The following NAV2 variants were observed in gnomAD, a reference collection of about 807,000 sequenced individuals.
NAV2 encodes helicase, APC down-regulated 1.
Under a neutral mutation model 223.2 loss-of-function variants are expected in NAV2, and 54 were observed. That is an observed-to-expected ratio of 0.24 (90% CI 0.19 to 0.30). The LOEUF is 0.30. Among genes scored for constraint, NAV2 ranks in the 10% least tolerant of loss-of-function variants. The pLI is 1.00. For synonymous variants in NAV2, 1,279 were observed against 1,239.3 expected, an observed-to-expected ratio of 1.03 and a Z score of -0.67; for missense variants, 2,806 against 3,147.5, an observed-to-expected ratio of 0.89 and a Z score of 2.60.
intron 6 of NAV2, among the ~76,000 whole-genome samples, chr11:19,898,826 C>A (rs1488752726): frequency 6.6e-6 from 1 of 152,168 alleles, no homozygotes; most frequent in African/African-American, 2.4e-5. Flanking sequence ...TTATCACTGT[C>A]TTCGGCAAAA....
At chr11:19,557,223 A>C (rs1398907376) in intron 1 of NAV2, among the ~76,000 whole-genome samples, 1 of 152,228 alleles carries the variant, frequency 6.6e-6, no homozygotes, top group Non-Finnish European at 1.5e-5. Context: ...GCCGTTTGGC[A>C]AGTGAAGACA....
intron 26 of NAV2, among the ~76,000 whole-genome samples, chr11:20,083,589 A>C (rs1294083011): frequency 2.0e-5 from 3 of 152,196 alleles, no homozygotes; most frequent in African/African-American, 7.2e-5. Context: ...TTCTTTTGAA[A>C]CCATGGTGTT....
chr11:19,425,361 G>A (rs1190478765), intron 1 of NAV2, among the ~76,000 whole-genome samples: 1 of 152,184 alleles, frequency 6.6e-6, no homozygotes, highest in East Asian at 1.9e-4. Flanking sequence ...CTTTACCATG[G>A]ACATTGATCA....
intron 11 of NAV2, among the ~76,000 whole-genome samples, chr11:20,029,989 A>G (rs2055543408): frequency 6.6e-6 from 1 of 152,244 alleles, no homozygotes; most frequent in Admixed American, 6.5e-5. Flanking sequence ...TTTCAGCCAA[A>G]GAAGTCAGGT....
intron 1 of NAV2, among the ~76,000 whole-genome samples, chr11:19,539,767 T>A (rs1474114616): frequency 6.6e-6 from 1 of 152,172 alleles, no homozygotes; most frequent in Non-Finnish European, 1.5e-5. Flanking sequence ...TTTGATGCAA[T>A]CAGTCCTACT....
intron 11 of NAV2, among the ~76,000 whole-genome samples, chr11:20,013,317 G>A (rs910720181): frequency 4.6e-5 from 7 of 152,334 alleles, no homozygotes; most frequent in South Asian, 2.1e-4. Context: ...CTGTGTGCCA[G>A]TCACTCTATT....
At chr11:19,696,691 A>G (rs181791800) in intron 1 of NAV2, among the ~76,000 whole-genome samples, 20 of 152,324 alleles carry the variant, frequency 1.3e-4, no homozygotes, top group Non-Finnish European at 2.1e-4. Flanking sequence ...TTCCAAATAA[A>G]TAGAATTATT....
chr11:20,042,267 C>T (rs904545200), intron 12 of NAV2, among the ~76,000 whole-genome samples: 2 of 152,196 alleles, frequency 1.3e-5, no homozygotes, highest in Non-Finnish European at 2.9e-5. Flanking sequence ...TAAATAGAGG[C>T]TGAGATCGGA....
chr11:19,514,048 C>T (rs1590376854), intron 1 of NAV2, among the ~76,000 whole-genome samples: 1 of 152,142 alleles, frequency 6.6e-6, no homozygotes, highest in Non-Finnish European at 1.5e-5. Context: ...TTTGTGGCAG[C>T]CCCAGGAGAC....
At chr11:19,944,799 T>G (rs1476320779) in intron 8 of NAV2, among the ~76,000 whole-genome samples, 1 of 149,748 alleles carries the variant, frequency 6.7e-6, no homozygotes, top group African/African-American at 2.4e-5. Context: ...GCTGGCTTTC[T>G]GTCTGTCTTT....
intron 3 of NAV2, among the ~76,000 whole-genome samples, chr11:19,855,911 T>C (rs1361290694): frequency 2.0e-5 from 3 of 152,258 alleles, no homozygotes; most frequent in Non-Finnish European, 2.9e-5. Flanking sequence ...TCAGAATTCA[T>C]TGGTTGCCTC....
intron 1 of NAV2, among the ~76,000 whole-genome samples, chr11:19,600,482 A>G (rs2046323008): frequency 6.6e-6 from 1 of 152,216 alleles, no homozygotes; most frequent in African/African-American, 2.4e-5. Context: ...AGCCAGTTAC[A>G]TGTGTATTAA....
intron 1 of NAV2, among the ~76,000 whole-genome samples, chr11:19,772,461 T>C (rs1017745688): frequency 1.3e-5 from 2 of 152,182 alleles, no homozygotes; most frequent in African/African-American, 4.8e-5. Context: ...TGATGAGGTA[T>C]TTTCAGTATT....
chr11:19,607,661 A>C (rs1335801402), intron 1 of NAV2, among the ~76,000 whole-genome samples: 1 of 152,208 alleles, frequency 6.6e-6, no homozygotes, highest in East Asian at 1.9e-4. Flanking sequence ...CTCTAATGAA[A>C]GGGTATGGCT....
At chr11:19,756,682 G>C (rs1411268900) in intron 1 of NAV2, among the ~76,000 whole-genome samples, 2 of 152,214 alleles carry the variant, frequency 1.3e-5, no homozygotes, top group East Asian at 3.8e-4. Context: ...ATTTGCCTCT[G>C]TTGTGCCTTG....
intron 1 of NAV2, among the ~76,000 whole-genome samples, chr11:19,620,198 C>A (rs1476736580): frequency 6.6e-6 from 1 of 152,076 alleles, no homozygotes; most frequent in South Asian, 2.1e-4. Flanking sequence ...TAGCATGATG[C>A]CTCCAGCTTT....
chr11:19,940,863 T>C (rs1258464855), intron 8 of NAV2, among the ~76,000 whole-genome samples: 1 of 152,218 alleles, frequency 6.6e-6, no homozygotes, highest in African/African-American at 2.4e-5. Context: ...ATTGATTTTG[T>C]TTCCTTCTCT....
At chr11:19,874,200 A>C (rs1007306000) in intron 4 of NAV2, among the ~76,000 whole-genome samples, 2 of 152,232 alleles carry the variant, frequency 1.3e-5, no homozygotes, top group Middle Eastern at 3.2e-3. Context: ...GCATCTATGC[A>C]GATTAGGACC....
chr11:19,693,610 T>C (rs1372929963), intron 1 of NAV2, among the ~76,000 whole-genome samples: 2 of 152,262 alleles, frequency 1.3e-5, no homozygotes, highest in African/African-American at 4.8e-5. Flanking sequence ...CCTTTTCCAC[T>C]TGACAAACAC....
Sources: gnomAD v4.1 joint callset for allele counts (sites outside exome capture counted in the v4.1 genomes callset) on GRCh38, gnomAD v4.1.1 for gene constraint, MANE v1.5 for transcripts, NCBI Gene and HGNC (gene_info 2026-07-23, HGNC 2026-07-21) for gene names.